Variants in ADAMTS6 observed in about 807,000 individuals in gnomAD.
The protein encoded by ADAMTS6 is ADAM metallopeptidase with thrombospondin type 1 motif 6.
Under a neutral mutation model 144.3 loss-of-function variants are expected in ADAMTS6, and 23 were observed. The ratio of observed to expected loss-of-function variants is 0.16; its 90% CI spans 0.11 to 0.23. ADAMTS6 has a LOEUF of 0.23. Among genes scored for constraint, ADAMTS6 ranks in the 10% least tolerant of loss-of-function variants. The probability of loss-of-function intolerance (pLI) is 1.00; values close to 1 mark genes in which losing one functional copy is unlikely to be tolerated. For synonymous variants in ADAMTS6, 444 were observed against 457.5 expected, an observed-to-expected ratio of 0.97 and a Z score of 0.38; for missense variants, 999 against 1,379.6, an observed-to-expected ratio of 0.72 and a Z score of 4.37.
chr5:65,307,448 C>T (rs1306013509), intron 9 of ADAMTS6, among the ~76,000 whole-genome samples: 1 of 152,200 alleles, frequency 6.6e-6, no homozygotes, highest in Non-Finnish European at 1.5e-5. Flanking sequence ...TGAGGAGACT[C>T]ACGAGGTTAA....
intron 20 of ADAMTS6, among the ~76,000 whole-genome samples, chr5:65,207,414 A>G (rs774282822): frequency 6.6e-6 from 1 of 152,174 alleles, no homozygotes; most frequent in Non-Finnish European, 1.5e-5. Flanking sequence ...TTGTACTGCA[A>G]ATAAACTATT....
chr5:65,148,976 A>C lies in ADAMTS6; in HGVS notation c.*2860T>G, dbSNP rs1422143384. On this transcript the variant is annotated 3_prime_UTR_variant, in exon 25 of 25. Coordinates refer to ENST00000381055, the MANE Select transcript of ADAMTS6 (RefSeq NM_197941.4). ...ACTGAGTATAAAATAATAAGCAACA[A>C]CTAATCACAATAATACAAAGGTAAT... is the stretch of plus-strand genomic sequence containing the variant. The C allele has an allele frequency of 6.5e-6, 1 of 152,696 alleles. No individual in the cohort carries two copies. Among genetic ancestry groups the C allele is most frequent in the Non-Finnish European group, 1.5e-5 (1 of 68,052 alleles). The allele number at this position is 152,696 out of a possible 1,614,324, so 9.5% of individuals were successfully genotyped here. A position where few individuals can be genotyped will look rare whatever the true frequency, so the allele number is the denominator to read the frequency against.
chr5:65,328,643 T>G (rs917674796), intron 9 of ADAMTS6, among the ~76,000 whole-genome samples: 8 of 152,002 alleles, frequency 5.3e-5, no homozygotes, highest in Non-Finnish European at 7.4e-5. Context: ...AAGTCATCTT[T>G]CAGTCAAATT....
chr5:65,187,174 TAAC>T (rs966657978), intron 22 of ADAMTS6, among the ~76,000 whole-genome samples: 2 of 152,194 alleles, frequency 1.3e-5, no homozygotes, highest in African/African-American at 4.8e-5. Context: ...TCTTAACACT[TAAC>T]ACACACTACA....
intron 7 of ADAMTS6, among the ~76,000 whole-genome samples, chr5:65,392,119 G>GT (rs1752969591): frequency 6.6e-6 from 1 of 152,096 alleles, no homozygotes; most frequent in Non-Finnish European, 1.5e-5. Flanking sequence ...GATGTGATTA[G>GT]TTTGAGGTTA....
chr5:65,464,282 T>C (rs137928477), intron 3 of ADAMTS6, among the ~76,000 whole-genome samples: 165 of 152,300 alleles, frequency 1.1e-3, no homozygotes, highest in Non-Finnish European at 1.7e-3. Context: ...AAAACCAATT[T>C]AGTAAAATAC....
At chr5:65,423,884 T>G (rs1236236895) in intron 7 of ADAMTS6, among the ~76,000 whole-genome samples, 1 of 152,154 alleles carries the variant, frequency 6.6e-6, no homozygotes, top group Non-Finnish European at 1.5e-5. Context: ...TTTCACATTT[T>G]ACAACTAAGA....
chr5:65,401,128 C>T (rs1370636011), intron 7 of ADAMTS6, among the ~76,000 whole-genome samples: 1 of 152,096 alleles, frequency 6.6e-6, no homozygotes, highest in Non-Finnish European at 1.5e-5. Flanking sequence ...ACATGATATA[C>T]TGGGTAAAAG....
intron 24 of ADAMTS6, among the ~76,000 whole-genome samples, chr5:65,163,247 A>AT (rs943412261): frequency 6.6e-6 from 1 of 152,070 alleles, no homozygotes; most frequent in Non-Finnish European, 1.5e-5. Flanking sequence ...TTAAAAGATA[A>AT]TTTTTTTCCA....
intron 11 of ADAMTS6, among the ~76,000 whole-genome samples, chr5:65,280,922 C>A (rs1265083176): frequency 1.3e-5 from 2 of 152,142 alleles, no homozygotes; most frequent in East Asian, 1.9e-4. Flanking sequence ...TTCCAAAAGT[C>A]AGAGTGAACC....
Position 65,460,159 on chromosome 5 carries a change from C to T in ADAMTS6, c.631+11G>A. On this transcript the variant is annotated intron_variant, in intron 4 of 24. Coordinates refer to ENST00000381055, the MANE Select transcript of ADAMTS6 (RefSeq NM_197941.4). ...TACAATACGCTTTGTAAAAGCTGCA[C>T]ACTCACTCACCCGAAACCCCACAAT... 1 of 1,613,326 alleles carries T rather than the reference C, an allele frequency of 6.2e-7. No homozygotes were observed. Among genetic ancestry groups the T allele is most frequent in the Non-Finnish European group, 8.5e-7 (1 of 1,179,658 alleles).
intron 18 of ADAMTS6, among the ~76,000 whole-genome samples, chr5:65,223,181 T>C (rs1333963159): frequency 1.3e-5 from 2 of 152,160 alleles, no homozygotes; most frequent in East Asian, 3.8e-4. Flanking sequence ...TTTCATACTT[T>C]CTTTTTTTTC....
At chr5:65,321,184 C>T (rs1203532382) in intron 9 of ADAMTS6, among the ~76,000 whole-genome samples, 1 of 152,154 alleles carries the variant, frequency 6.6e-6, no homozygotes, top group Non-Finnish European at 1.5e-5. Context: ...ATAAGCATTC[C>T]TTTTTCTCCA....
rs759074507 is a variant in ADAMTS6 at position 65,302,595 on chromosome 5, G to A, written c.1224-2464C>T. ...TCAACACAGTGGAGTAAGTCTCTTT[G>A]AATGGTCTTCAAGGAATGTGAAGGT... is the stretch of plus-strand genomic sequence containing the variant. On this transcript the variant is annotated intron_variant, in intron 9 of 24. Coordinates refer to ENST00000381055, the MANE Select transcript of ADAMTS6 (RefSeq NM_197941.4). Among the ~76,000 whole-genome samples the A allele has an allele frequency of 4.7e-4, 71 of 151,970 alleles. No individual in the cohort carries two copies. In the Middle Eastern group the frequency reaches 0.01, roughly 22 times the overall value.
At chr5:65,463,323 C>T (rs949941529) in intron 3 of ADAMTS6, among the ~76,000 whole-genome samples, 1 of 151,882 alleles carries the variant, frequency 6.6e-6, no homozygotes, top group African/African-American at 2.4e-5. Flanking sequence ...ATACTGGGAA[C>T]AACAAATGCA....
intron 9 of ADAMTS6, among the ~76,000 whole-genome samples, chr5:65,324,069 G>T (rs367637336): frequency 1.1e-4 from 16 of 152,232 alleles, no homozygotes; most frequent in African/African-American, 3.6e-4. Context: ...TCTGTAGGTT[G>T]CCTGTTCACT....
At chr5:65,240,945 A>C (rs943850396) in intron 15 of ADAMTS6, among the ~76,000 whole-genome samples, 2 of 152,224 alleles carry the variant, frequency 1.3e-5, no homozygotes, top group African/African-American at 4.8e-5. Flanking sequence ...ATCTTGCCTT[A>C]ACAGAAAAAA....
At chr5:65,375,213 G>A (rs1751402495) in intron 7 of ADAMTS6, among the ~76,000 whole-genome samples, 1 of 152,176 alleles carries the variant, frequency 6.6e-6, no homozygotes, top group Non-Finnish European at 1.5e-5. Flanking sequence ...AAGGCTTCAT[G>A]TCTAAAACAC....
intron 7 of ADAMTS6, among the ~76,000 whole-genome samples, chr5:65,380,864 A>G (rs1404838700): frequency 6.6e-6 from 1 of 152,156 alleles, no homozygotes; most frequent in East Asian, 1.9e-4. Context: ...TTACATTTTG[A>G]CCATCTGTCT....
Sources: allele counts gnomAD v4.1 joint callset (sites outside exome capture counted in the v4.1 genomes callset), GRCh38; gene constraint gnomAD v4.1.1; transcripts MANE v1.5; gene names NCBI Gene and HGNC (gene_info 2026-07-23, HGNC 2026-07-21).